Variants in HDAC5 observed in about 807,000 individuals in gnomAD.
HDAC5 encodes the protein histone deacetylase 5.
Under a neutral mutation model 133.3 loss-of-function variants are expected in HDAC5, and 25 were observed. That is an observed-to-expected ratio of 0.19 (90% CI 0.14 to 0.26). The LOEUF (loss-of-function observed/expected upper bound fraction) is 0.26. Among genes scored for constraint, HDAC5 ranks in the 10% least tolerant of loss-of-function variants. The pLI is 1.00. For missense variants in HDAC5, 1,041 were observed against 1,460.5 expected (o/e 0.71, Z 4.68); for synonymous variants, 589 against 610.8 (o/e 0.96, Z 0.53).
intron 14 of HDAC5, 193 bp from the exon 15 acceptor site, chr17:44,085,348 A>T: frequency 2.1e-6 from 1 of 465,716 alleles, no homozygotes. Flanking sequence ...TTTCTTTGAA[A>T]CAGGGTCTCA....
intron 11 of HDAC5, among the ~76,000 whole-genome samples, chr17:44,089,286 G>A (rs1048767099): frequency 5.3e-5 from 8 of 152,308 alleles, no homozygotes; most frequent in Admixed American, 3.3e-4. Flanking sequence ...GTCCAAGGCA[G>A]GGGGATGGCT....
intron 3 of HDAC5, among the ~76,000 whole-genome samples, chr17:44,107,480 T>G (rs1331883852): frequency 6.6e-6 from 1 of 151,774 alleles, no homozygotes; most frequent in African/African-American, 2.4e-5. Context: ...CGGTGGCGTG[T>G]GCCTGTAGTC....
intron 3 of HDAC5, among the ~76,000 whole-genome samples, chr17:44,101,410 C>CAA (rs35671008): frequency 0.63 from 41,946 of 66,732 alleles, 12,805 homozygotes; most frequent in South Asian, 0.84. Flanking sequence ...GACTCCGTCT[C>CAA]AAAAAAAAAA....
chr17:44,107,439 C>A (rs1347674652), intron 3 of HDAC5, among the ~76,000 whole-genome samples: 1 of 152,036 alleles, frequency 6.6e-6, no homozygotes, highest in Non-Finnish European at 1.5e-5. Context: ...GAAAACCCAT[C>A]TCTACTAAAA....
intron 3 of HDAC5, among the ~76,000 whole-genome samples, chr17:44,109,035 T>G (rs559648468): frequency 6.6e-6 from 1 of 151,900 alleles, no homozygotes; most frequent in Non-Finnish European, 1.5e-5. Context: ...AGGGAGGAGA[T>G]GAGAGAGCAG....
intron 12 of HDAC5, among the ~76,000 whole-genome samples, chr17:44,088,083 A>T (rs1438496950): frequency 6.6e-6 from 1 of 152,140 alleles, no homozygotes. Context: ...ATCTGGGCTC[A>T]GTGCAACCTC....
At chr17:44,089,137 T>A (rs1238228806) in intron 11 of HDAC5, among the ~76,000 whole-genome samples, 1 of 152,200 alleles carries the variant, frequency 6.6e-6, no homozygotes, top group Admixed American at 6.5e-5. Context: ...GCACACAACC[T>A]GTCTAAACTG....
intron 1 of HDAC5, among the ~76,000 whole-genome samples, chr17:44,119,348 A>G (rs759066352): frequency 1.3e-5 from 2 of 152,208 alleles, no homozygotes; most frequent in Non-Finnish European, 2.9e-5. Flanking sequence ...TGAGTAGCCC[A>G]GTCCATCTCC....
intron 8 of HDAC5, 28 bp from the exon 9 acceptor site, chr17:44,092,312 C>T (rs572491316): frequency 1.9e-6 from 3 of 1,613,190 alleles, no homozygotes; most frequent in East Asian, 2.2e-5. Context: ...GTCACCTGGG[C>T]CTGCTGTGAA....
chr17:44,110,848 A>G, intron 2 of HDAC5, 48 bp from the exon 3 acceptor site: 3 of 1,488,318 alleles, frequency 2.0e-6, no homozygotes, highest in Non-Finnish European at 1.9e-6. Flanking sequence ...CAGCATCTCC[A>G]CGAGCCCCTG....
Position 44,078,172 on chromosome 17 carries a change from C to A in HDAC5, c.*204G>T, listed in dbSNP as rs571188982. The A allele has an allele frequency of 5.9e-6, 3 of 505,412 alleles. No homozygotes were observed. Among genetic ancestry groups the A allele is most frequent in the Non-Finnish European group, 1.0e-5 (3 of 290,494 alleles). The allele number at this position is 505,412 out of a possible 1,614,324, so 31.3% of individuals were successfully genotyped here. ...CACATGGGACAGGGCTGGGAAGACA[C>A]CACCACCCCCTGCAGAGGGAGCAGG... On this transcript the variant is annotated 3_prime_UTR_variant, in exon 27 of 27. Coordinates refer to ENST00000682912, the MANE Select transcript of HDAC5 (RefSeq NM_005474.5).
In HDAC5 at chr17:44,080,775, C is replaced by T. The variant is rs777025923; in HGVS notation, c.2715G>A (p.Gly905=). The T allele has an allele frequency of 2.5e-6, 4 of 1,614,214 alleles. No homozygotes were observed. The Admixed American group carries it at 6.7e-5, about 27-fold the overall frequency. Residue 905 remains glycine (G), a synonymous_variant, in exon 21 of 27, where the codon GGG becomes GGA. Coordinates refer to ENST00000682912, the MANE Select transcript of HDAC5 (RefSeq NM_005474.5). ...CCAGGAGCTGTACCTCTTCAGGAGC[C>T]CCAGAGCCTGGAAAGAAGTTCCCGT... ...YDNGNFFPGS[G]APEEVGGGPG...
Position 44,080,920 on chromosome 17 carries a change from CGCTCTGACCCAAT to C in HDAC5, c.2608-51_2608-39del, listed in dbSNP as rs550931545. The stretch of plus-strand genomic sequence containing the variant: ...GTAGAAGCATCGGGAAAATGGCCCG[CGCTCTGACCCAAT>C]GGTCAAATTCCACCTGTCAGCTGAG... On this transcript the variant is annotated intron_variant, in intron 20 of 26. Transcript: ENST00000682912. 2.7e-5 allele frequency: 44 copies of C among 1,613,644 alleles called. 1 individual carries two copies. The South Asian group carries it at 4.6e-4, about 17-fold the overall frequency.
Position 44,079,133 on chromosome 17 carries a change from C to T in HDAC5, c.3078+11G>A, listed in dbSNP as rs773649410. ...TGGCCTGCCACCTCCCAGCTCCTTCCCACCCCTTACCTCTACACTGAGCAG... is the reference window on the plus strand; with the variant it reads ...TGGCCTGCCACCTCCCAGCTCCTTCTCACCCCTTACCTCTACACTGAGCAG... On this transcript the variant is annotated intron_variant, in intron 24 of 26. Transcript: ENST00000682912. 1.1e-5 allele frequency: 18 copies of T among 1,607,360 alleles called. No individual in the cohort carries two copies. In the East Asian group the frequency reaches 3.8e-4, roughly 34 times the overall value.
chr17:44,078,974 A>G, intron 24 of HDAC5, 95 bp from the exon 25 acceptor site: 1 of 1,511,648 alleles, frequency 6.6e-7, no homozygotes, highest in Non-Finnish European at 9.2e-7. Flanking sequence ...ATCCCTCACA[A>G]CAGGGGCAAA....
Position 44,110,745 on chromosome 17 carries a change from G to A in HDAC5, c.78C>T (p.His26=), listed in dbSNP as rs778902534. The part of the protein sequence containing the change: ...SLEILPRTSL[H]SIPVTVEVKP... ...GGCACTTACCTGTCACAGGGATGCTGTGCAGAGAAGTCCGCGGCAGGATTT... is the reference window on the plus strand; with the variant it reads ...GGCACTTACCTGTCACAGGGATGCTATGCAGAGAAGTCCGCGGCAGGATTT... The change falls in exon 3 of 27, where the codon CAC becomes CAT. Residue 26 remains histidine (H), a synonymous_variant. Transcript: ENST00000682912. 4.3e-6 allele frequency: 7 copies of A among 1,613,594 alleles called. No homozygotes were observed.
Position 44,081,595 on chromosome 17 carries a change from T to G in HDAC5, c.2608-713A>C, listed in dbSNP as rs1202221142. The G allele has an allele frequency of 6.7e-5, 10 of 149,498 alleles. 1 individual carries two copies. The highest frequency in any genetic ancestry group is 6.7e-4 in the Admixed American group (10 of 15,034). 9.3% of individuals were successfully genotyped at this position (149,498 alleles called of 1,614,324 possible). On this transcript the variant is annotated intron_variant, in intron 20 of 26. Transcript: ENST00000682912. ...TCTTTTCTTTCTTTTTTTTTTTTTT[T>G]TGAGACAGAATCTCACTCTGTCATC...
chr17:44,078,685 A>G lies in HDAC5; in HGVS notation c.3164-20T>C, dbSNP rs760179550. 1.9e-6 allele frequency: 3 copies of G among 1,605,608 alleles called. No individual in the cohort carries two copies. Among genetic ancestry groups the G allele is most frequent in the African/African-American group, 2.7e-5 (2 of 74,852 alleles). Reference sequence around the variant, plus strand: ...GTTTGCCTGTGGACGAGAGACAGGCAAGGGGTCAGGGAGGGCAGAGGACAC... The same window carrying G: ...GTTTGCCTGTGGACGAGAGACAGGCGAGGGGTCAGGGAGGGCAGAGGACAC... On this transcript the variant is annotated intron_variant, in intron 25 of 26. Coordinates refer to ENST00000682912, the MANE Select transcript of HDAC5 (RefSeq NM_005474.5).
chr17:44,087,468 C>G lies in HDAC5; in HGVS notation c.1828G>C (p.Glu610Gln), dbSNP rs376998808. ...TCGGGCCCCTCCTCAGCACCACTCT[C>G]GCCCTCCTCGTCCTTAACCTGGATG... ...DCIQVKDEEG[E>Q]SGAEEGPDLE... The change falls in exon 13 of 27, where the codon GAG becomes CAG. Residue 610 changes from glutamate to glutamine, a missense_variant. Glu to Gln is a conservative substitution (Grantham distance 29, BLOSUM62 2). Around this residue, in one of 9 missense-constraint regions of HDAC5, gnomAD observed 433 missense variants for 531.6 expected, o/e 0.81. Transcript: ENST00000682912. The G allele has an allele frequency of 1.9e-5, 29 of 1,502,610 alleles. No individual in the cohort carries two copies. The highest frequency in any genetic ancestry group is 2.5e-5 in the Non-Finnish European group (27 of 1,078,652). 93.1% of individuals were successfully genotyped at this position (1,502,610 alleles called of 1,614,324 possible).
Sources: gnomAD v4.1 joint callset for allele counts (sites outside exome capture counted in the v4.1 genomes callset) on GRCh38, gnomAD v4.1.1 for gene constraint, gnomAD v4.1.1 regional missense constraint, MANE v1.5 for transcripts, NCBI Gene and HGNC (gene_info 2026-07-23, HGNC 2026-07-21) for gene names.